Variants in SH3RF3 observed in about 807,000 individuals in gnomAD.
The protein encoded by SH3RF3 is SH3 domain containing ring finger 3.
In SH3RF3, 29 loss-of-function variants were observed where a neutral mutation model predicts 66.3. The observed-to-expected ratio is 0.44, with a 90% CI of 0.33 to 0.60. SH3RF3 has a LOEUF of 0.60. Ranked by LOEUF, SH3RF3 falls within the 20% of genes least tolerant of loss-of-function variation. The probability of loss-of-function intolerance (pLI) is 0.04; values close to 1 mark genes in which losing one functional copy is unlikely to be tolerated. For missense variants in SH3RF3, 1,194 were observed against 1,190.9 expected (o/e 1.00, Z -0.04); for synonymous variants, 583 against 532.0 (o/e 1.10, Z -1.32).
In SH3RF3 at chr2:109,449,256, G is replaced by A; in HGVS notation, c.1915G>A (p.Ala639Thr). The A allele has an allele frequency of 6.2e-7, 1 of 1,612,418 alleles. No homozygotes were observed. The highest frequency in any genetic ancestry group is 8.5e-7 in the Non-Finnish European group (1 of 1,179,336). Residue 639 changes from alanine to threonine, a missense_variant, in exon 8 of 10, where the codon GCC becomes ACC. By Grantham distance (58) the Ala-to-Thr change is moderately conservative (BLOSUM62 0). Transcript: ENST00000309415. ...CCAGAACTCTCCATCCCGCCTGCCTGCCACCAGCCTCAGGCCCCACTCGGT... is the reference window on the plus strand; with the variant it reads ...CCAGAACTCTCCATCCCGCCTGCCTACCACCAGCCTCAGGCCCCACTCGGT... ...RTQNSPSRLP[A>T]TSLRPHSVVS...
At chr2:109,175,294 G>T (rs1362800270) in intron 1 of SH3RF3, among the ~76,000 whole-genome samples, 1 of 152,122 alleles carries the variant, frequency 6.6e-6, no homozygotes, top group African/African-American at 2.4e-5. Context: ...GCTAATCTTT[G>T]CATGGTTTTA....
chr2:109,382,588 C>G (rs932324229), intron 3 of SH3RF3, among the ~76,000 whole-genome samples: 4 of 152,200 alleles, frequency 2.6e-5, no homozygotes, highest in Non-Finnish European at 5.9e-5. Context: ...CACAGAGCAC[C>G]CCAGTCGTCT....
chr2:109,162,615 C>T (rs1028159883), intron 1 of SH3RF3, among the ~76,000 whole-genome samples: 1 of 152,096 alleles, frequency 6.6e-6, no homozygotes, highest in African/African-American at 2.4e-5. Flanking sequence ...TTTGCTTAAT[C>T]CAGTCTATCA....
chr2:109,149,673 G>T (rs1677187070), intron 1 of SH3RF3, among the ~76,000 whole-genome samples: 1 of 152,188 alleles, frequency 6.6e-6, no homozygotes, highest in South Asian at 2.1e-4. Flanking sequence ...TGTGGCAGCA[G>T]CAACGTTGCA....
intron 1 of SH3RF3, among the ~76,000 whole-genome samples, chr2:109,271,789 A>G (rs1198593024): frequency 6.6e-6 from 1 of 152,244 alleles, no homozygotes; most frequent in Non-Finnish European, 1.5e-5. Context: ...GAGGCCCACA[A>G]TGTATCTGAC....
chr2:109,311,751 G>T (rs9677550), intron 1 of SH3RF3, among the ~76,000 whole-genome samples: 47,481 of 152,112 alleles, frequency 0.31, 9,196 homozygotes, highest in African/African-American at 0.55. Flanking sequence ...TGAAAAGGGC[G>T]CTAATTTCAA....
At chr2:109,331,921 G>A (rs1574578447) in intron 1 of SH3RF3, among the ~76,000 whole-genome samples, 1 of 152,194 alleles carries the variant, frequency 6.6e-6, no homozygotes, top group East Asian at 1.9e-4. Flanking sequence ...GGAGGGGTTT[G>A]CCTGCACCCT....
chr2:109,299,415 TGGC>T (rs1156444147), intron 1 of SH3RF3, among the ~76,000 whole-genome samples: 13 of 149,760 alleles, frequency 8.7e-5, no homozygotes, highest in Non-Finnish European at 1.8e-4. Context: ...CATCCTTGAG[TGGC>T]CATCCTTAAG....
chr2:109,196,803 T>A (rs1678512233), intron 1 of SH3RF3, among the ~76,000 whole-genome samples: 1 of 152,118 alleles, frequency 6.6e-6, no homozygotes, highest in African/African-American at 2.4e-5. Flanking sequence ...TAGCATACGG[T>A]CTGACTGCTG....
chr2:109,194,411 A>C (rs1170494513), intron 1 of SH3RF3, among the ~76,000 whole-genome samples: 1 of 152,192 alleles, frequency 6.6e-6, no homozygotes, highest in Non-Finnish European at 1.5e-5. Context: ...AACCCCTGCC[A>C]TCCACAGTCT....
intron 1 of SH3RF3, among the ~76,000 whole-genome samples, chr2:109,221,345 G>A (rs148615931): frequency 0.031 from 4,782 of 152,232 alleles, 214 homozygotes; most frequent in African/African-American, 0.1. Flanking sequence ...CATTTTGGGA[G>A]GCTGAGACAG....
intron 1 of SH3RF3, among the ~76,000 whole-genome samples, chr2:109,268,469 G>A (rs1197697518): frequency 6.6e-6 from 1 of 152,120 alleles, no homozygotes; most frequent in Non-Finnish European, 1.5e-5. Context: ...GGCTGCAGCA[G>A]CTCCTTTCTC....
chr2:109,280,714 G>A (rs1269531830), intron 1 of SH3RF3, among the ~76,000 whole-genome samples: 2 of 152,216 alleles, frequency 1.3e-5, no homozygotes, highest in African/African-American at 2.4e-5. Flanking sequence ...GTGAGTATCT[G>A]GAGACGTTGG....
At chr2:109,169,637 G>A (rs868377220) in intron 1 of SH3RF3, among the ~76,000 whole-genome samples, 1 of 151,848 alleles carries the variant, frequency 6.6e-6, no homozygotes, top group Non-Finnish European at 1.5e-5. Context: ...AGTTTAATAG[G>A]GTTGGGCAAT....
At chr2:109,164,186 C>G (rs1177320543) in intron 1 of SH3RF3, among the ~76,000 whole-genome samples, 2 of 151,350 alleles carry the variant, frequency 1.3e-5, no homozygotes, top group Non-Finnish European at 2.9e-5. Flanking sequence ...TTTTCTTTTA[C>G]TTTTTTTAAA....
At chr2:109,239,715 C>T (rs1361214015) in intron 1 of SH3RF3, among the ~76,000 whole-genome samples, 3 of 152,272 alleles carry the variant, frequency 2.0e-5, no homozygotes, top group Middle Eastern at 3.4e-3. Context: ...GTTGCTCTGC[C>T]AAGTGCTCCA....
At chr2:109,226,918 AG>A (rs1336302755) in intron 1 of SH3RF3, among the ~76,000 whole-genome samples, 1 of 152,186 alleles carries the variant, frequency 6.6e-6, no homozygotes, top group Non-Finnish European at 1.5e-5. Context: ...CAGATAACCA[AG>A]GGTCCTGAGG....
chr2:109,179,675 C>T (rs1678028888), intron 1 of SH3RF3, among the ~76,000 whole-genome samples: 1 of 152,092 alleles, frequency 6.6e-6, no homozygotes, highest in African/African-American at 2.4e-5. Flanking sequence ...TCTTCCTGTT[C>T]TTCTAAAGCC....
At chr2:109,351,786 C>T (rs1682844300) in intron 2 of SH3RF3, among the ~76,000 whole-genome samples, 1 of 152,236 alleles carries the variant, frequency 6.6e-6, no homozygotes, top group Admixed American at 6.5e-5. Context: ...GGCTTGGTGG[C>T]TGCAGCCACT....
Sources: allele counts gnomAD v4.1 joint callset (sites outside exome capture counted in the v4.1 genomes callset), GRCh38; gene constraint gnomAD v4.1.1; transcripts MANE v1.5; gene names NCBI Gene and HGNC (gene_info 2026-07-23, HGNC 2026-07-21).